PGM3: variants seen among roughly 807,000 people sequenced by gnomAD.
The protein encoded by PGM3 is phosphoglucomutase 3, also known as phosphoacetylglucosamine mutase.
Under a neutral mutation model 66.2 loss-of-function variants are expected in PGM3, and 40 were observed. The observed-to-expected ratio is 0.60, with a 90% CI of 0.47 to 0.79. PGM3 has a LOEUF of 0.79. PGM3 is among the 30% of genes least tolerant of loss of function. PGM3 has a pLI of 0.00. For missense variants in PGM3, 537 were observed against 643.4 expected (o/e 0.83, Z 1.79); for synonymous variants, 191 against 224.2 (o/e 0.85, Z 1.32).
chr6:83,189,287 G>A (rs1423183314), intron 2 of PGM3, among the ~76,000 whole-genome samples: 4 of 152,162 alleles, frequency 2.6e-5, no homozygotes, highest in Admixed American at 6.5e-5. Flanking sequence ...ACACTAGCCA[G>A]CTTGTCAACC....
Position 83,167,597 on chromosome 6 carries a change from T to C in PGM3, c.*1637A>G. Reference sequence around the variant, plus strand: ...ACTTTTATGTTTGACTCTATTCCTGTTCAAAGCTATTTCTGTTAACTAAGC... The same window carrying C: ...ACTTTTATGTTTGACTCTATTCCTGCTCAAAGCTATTTCTGTTAACTAAGC... On this transcript the variant is annotated 3_prime_UTR_variant, in exon 13 of 13. Coordinates refer to ENST00000513973, the MANE Select transcript of PGM3 (RefSeq NM_015599.3). 2 of 1,159,110 alleles carry C rather than the reference T, an allele frequency of 1.7e-6. No individual in the cohort carries two copies. Among genetic ancestry groups the C allele is most frequent in the Non-Finnish European group, 2.1e-6 (2 of 942,420 alleles). 71.8% of individuals were successfully genotyped at this position (1,159,110 alleles called of 1,614,324 possible).
chr6:83,189,549 G>A (rs1374631574), intron 2 of PGM3, among the ~76,000 whole-genome samples: 1 of 152,134 alleles, frequency 6.6e-6, no homozygotes, highest in Non-Finnish European at 1.5e-5. Flanking sequence ...CCTTGTTTGG[G>A]GGAAGAGGAG....
downstream of PGM3, chr6:83,162,719 C>T: frequency 6.7e-7 from 1 of 1,498,866 alleles, no homozygotes; most frequent in Non-Finnish European, 9.0e-7. Flanking sequence ...CTTTCTACTA[C>T]ATTATGTGGC....
In PGM3 at chr6:83,167,078, C is replaced by T; in HGVS notation, c.*2156G>A. The T allele has an allele frequency of 1.0e-6, 1 of 983,934 alleles. No individual in the cohort carries two copies. Among genetic ancestry groups the T allele is most frequent in the Non-Finnish European group, 1.2e-6 (1 of 828,632 alleles). 61.0% of individuals were successfully genotyped at this position (983,934 alleles called of 1,614,324 possible). A position where few individuals can be genotyped will look rare whatever the true frequency, so the allele number is the denominator to read the frequency against. ...CTTCTCAAACTAGCCTCTTAATACC[C>T]AAATTATTAGTCTTTATATTTAGTT... On this transcript the variant is annotated 3_prime_UTR_variant, in exon 13 of 13. Coordinates refer to ENST00000513973, the MANE Select transcript of PGM3 (RefSeq NM_015599.3).
intron 11 of PGM3, 127 bp from the exon 12 acceptor site, chr6:83,170,605 G>T: frequency 5.4e-6 from 4 of 740,274 alleles, no homozygotes; most frequent in South Asian, 2.2e-5. Context: ...CTTTCTCCAA[G>T]GTCAGGGTAA....
At chr6:83,189,739 C>G (rs910983332) in intron 2 of PGM3, among the ~76,000 whole-genome samples, 6 of 152,106 alleles carry the variant, frequency 3.9e-5, no homozygotes, top group African/African-American at 1.4e-4. Context: ...ATAGAAACAA[C>G]AAAAGTGCTC....
intron 8 of PGM3, among the ~76,000 whole-genome samples, chr6:83,177,007 A>G (rs908702759): frequency 2.6e-5 from 4 of 152,194 alleles, no homozygotes; most frequent in Non-Finnish European, 4.4e-5. Flanking sequence ...GCCTCAAGAT[A>G]TATTTCGTTT....
At chr6:83,178,820 G>C (rs1787964337) in intron 7 of PGM3, 64 bp from the exon 8 acceptor site, 1 of 976,062 alleles carries the variant, frequency 1.0e-6, no homozygotes, top group Non-Finnish European at 1.7e-6. Context: ...CAAATATAAT[G>C]AGAGTTCTAA....
chr6:83,154,448 T>C, the PGM3 span, among the ~76,000 whole-genome samples: 1 of 152,192 alleles, frequency 6.6e-6, no homozygotes, highest in Non-Finnish European at 1.5e-5. Flanking sequence ...ACTTAAGTGA[T>C]AAGTAATAAG....
intron 9 of PGM3, among the ~76,000 whole-genome samples, chr6:83,174,710 T>C (rs1787626680): frequency 6.6e-6 from 1 of 152,176 alleles, no homozygotes. Context: ...TAACTGGTTA[T>C]AAAAATTTAA....
chr6:83,156,142 AG>A, the PGM3 span: 39 of 1,549,500 alleles, frequency 2.5e-5, no homozygotes, highest in Non-Finnish European at 3.1e-5. Flanking sequence ...CTCTAACTAC[AG>A]GTTTTTGGTT....
chr6:83,193,351 C>T (rs1000972192), upstream of PGM3: 2 of 152,372 alleles, frequency 1.3e-5, no homozygotes, highest in Non-Finnish European at 2.9e-5. Flanking sequence ...CCGCCCCCGC[C>T]TCGCCGCAGG....
intron 9 of PGM3, among the ~76,000 whole-genome samples, 192 bp downstream of exon 9, chr6:83,175,767 AAAG>A (rs1787717467): frequency 6.6e-6 from 1 of 152,234 alleles, no homozygotes; most frequent in Admixed American, 6.5e-5. Context: ...CTTCACATTC[AAAG>A]AAGAATCATT....
chr6:83,192,636 A>G (rs945025289), intron 1 of PGM3, among the ~76,000 whole-genome samples: 3 of 152,092 alleles, frequency 2.0e-5, no homozygotes, highest in African/African-American at 7.2e-5. Flanking sequence ...AAAACTGAGC[A>G]GTCAGTTATG....
At position 83,167,303 on chromosome 6, in the gene PGM3, C is replaced by G; in HGVS notation, c.*1931G>C. 1 of 985,480 alleles carries G rather than the reference C, an allele frequency of 1.0e-6. No homozygotes were observed. The highest frequency in any genetic ancestry group is 1.2e-6 in the Non-Finnish European group (1 of 829,980). The allele number at this position is 985,480 out of a possible 1,614,324, so 61.0% of individuals were successfully genotyped here. On this transcript the variant is annotated 3_prime_UTR_variant, in exon 13 of 13. Coordinates refer to ENST00000513973, the MANE Select transcript of PGM3 (RefSeq NM_015599.3). ...TTGTTTAGCACAACCCAGAAGGAGACAGCAGTGTCTCCTGAGGGATCCCTT... is the reference window on the plus strand; with the variant it reads ...TTGTTTAGCACAACCCAGAAGGAGAGAGCAGTGTCTCCTGAGGGATCCCTT...
intron 4 of PGM3, among the ~76,000 whole-genome samples, chr6:83,183,209 G>T (rs1156697944): frequency 3.3e-5 from 5 of 152,114 alleles, no homozygotes; most frequent in African/African-American, 1.2e-4. Context: ...ATACAGACAA[G>T]TAATAATTGA....
At chr6:83,175,919 A>C (rs1787729779) in intron 9 of PGM3, 43 bp downstream of exon 9, 1 of 1,013,734 alleles carries the variant, frequency 9.9e-7, no homozygotes, top group East Asian at 2.4e-5. Context: ...CTCATCATAA[A>C]GAAAAGTGCC....
chr6:83,186,880 G>T, intron 4 of PGM3, 128 bp downstream of exon 4: 2 of 542,294 alleles, frequency 3.7e-6, no homozygotes, highest in Admixed American at 3.5e-5. Context: ...TTTGTATCTA[G>T]GAGTTCATTT....
rs1420530329 is a variant in PGM3 at position 83,167,501 on chromosome 6, A to G, written c.*1733T>C. On this transcript the variant is annotated 3_prime_UTR_variant, in exon 13 of 13. Coordinates refer to ENST00000513973, the MANE Select transcript of PGM3 (RefSeq NM_015599.3). ...TTTTTCTGTAGTAATTTTGTGACCTAGTCCTTGGTTACAGTAGTGAGGGTT... is the reference window on the plus strand; with the variant it reads ...TTTTTCTGTAGTAATTTTGTGACCTGGTCCTTGGTTACAGTAGTGAGGGTT... The G allele has an allele frequency of 9.9e-7, 1 of 1,006,070 alleles. No individual in the cohort carries two copies. The highest frequency in any genetic ancestry group is 1.2e-6 in the Non-Finnish European group (1 of 844,166). The allele number at this position is 1,006,070 out of a possible 1,614,324, so 62.3% of individuals were successfully genotyped here. A position where few individuals can be genotyped will look rare whatever the true frequency, so the allele number is the denominator to read the frequency against.
Sources: gnomAD v4.1 joint callset for allele counts (sites outside exome capture counted in the v4.1 genomes callset) on GRCh38, gnomAD v4.1.1 for gene constraint, MANE v1.5 for transcripts, NCBI Gene and HGNC (gene_info 2026-07-23, HGNC 2026-07-21) for gene names.